DCUN1D1: variants seen among roughly 807,000 people sequenced by gnomAD.
DCUN1D1 encodes DCN1-like protein 1.
In DCUN1D1, 3 loss-of-function variants were observed where a neutral mutation model predicts 39.0. The observed-to-expected ratio is 0.08, with a 90% CI of 0.04 to 0.20. DCUN1D1 has a LOEUF of 0.20. DCUN1D1 is among the 10% of genes least tolerant of loss of function. The probability of loss-of-function intolerance (pLI) is 1.00; values close to 1 mark genes in which losing one functional copy is unlikely to be tolerated. For missense variants in DCUN1D1, 158 were observed against 302.4 expected, an observed-to-expected ratio of 0.52 and a Z score of 3.54; for synonymous variants, 82 against 96.3, an observed-to-expected ratio of 0.85 and a Z score of 0.87.
chr3:182,964,142 A>G (rs1439811807), intron 2 of DCUN1D1, 93 bp from the exon 3 acceptor site: 3 of 977,542 alleles, frequency 3.1e-6, no homozygotes, highest in African/African-American at 1.6e-5. Context: ...CATTTTTTAA[A>G]TGACCACAAT....
At chr3:182,979,693 C>T (rs545786891) in intron 1 of DCUN1D1, among the ~76,000 whole-genome samples, 139 of 150,466 alleles carry the variant, frequency 9.2e-4, no homozygotes, top group African/African-American at 3.1e-3. Flanking sequence ...GCAATTACTC[C>T]TCCCACCCCC....
chr3:182,949,650 G>T (rs981914327), intron 4 of DCUN1D1, among the ~76,000 whole-genome samples: 2 of 152,048 alleles, frequency 1.3e-5, no homozygotes, highest in Admixed American at 1.3e-4. Flanking sequence ...GAGCCCAGGA[G>T]ATCAAGGCTG....
At position 182,939,316 on chromosome 3, in the gene DCUN1D1, G is replaced by A. The variant is rs1320281130; in HGVS notation, c.*5778C>T. On this transcript the variant is annotated 3_prime_UTR_variant, in exon 7 of 7. Transcript: ENST00000292782. ...AAAGTTCAGCAGTTTTTTTAAAAAC[G>A]TTAGGTATAAATTTACCACACAACC... 1 of 152,142 alleles carries A rather than the reference G, an allele frequency of 6.6e-6. No individual in the cohort carries two copies. The highest frequency in any genetic ancestry group is 1.5e-5 in the Non-Finnish European group (1 of 68,030). 9.4% of individuals were successfully genotyped at this position (152,142 alleles called of 1,614,324 possible).
intron 1 of DCUN1D1, among the ~76,000 whole-genome samples, chr3:182,977,778 G>A (rs1346024856): frequency 3.3e-5 from 5 of 151,778 alleles, no homozygotes; most frequent in East Asian, 2.0e-4. Context: ...GGTGGCTCAC[G>A]CCTGTAATCC....
chr3:182,949,922 T>A (rs1237103493), intron 4 of DCUN1D1, among the ~76,000 whole-genome samples: 2 of 152,144 alleles, frequency 1.3e-5, no homozygotes, highest in Non-Finnish European at 2.9e-5. Context: ...CATACAAACA[T>A]ACTTACCTTC....
intron 1 of DCUN1D1, among the ~76,000 whole-genome samples, chr3:182,967,747 C>T (rs904051196): frequency 6.6e-6 from 1 of 152,222 alleles, no homozygotes; most frequent in African/African-American, 2.4e-5. Context: ...AAACTATCTC[C>T]TCCTTGAGAT....
At position 182,940,070 on chromosome 3, in the gene DCUN1D1, T is replaced by C. The variant is rs542390987; in HGVS notation, c.*5024A>G. 1.4e-3 allele frequency: 212 copies of C among 152,318 alleles called. 1 individual carries two copies. Among genetic ancestry groups the C allele is most frequent in the African/African-American group, 5.1e-3 (210 of 41,578 alleles). 9.4% of individuals were successfully genotyped at this position (152,318 alleles called of 1,614,324 possible). On this transcript the variant is annotated 3_prime_UTR_variant, in exon 7 of 7. Transcript: ENST00000292782. ...ATATTGCTCTTTTAGCTATAAGTCA[T>C]GTAATTATGTGACAAAATCACTGTT... is the stretch of plus-strand genomic sequence containing the variant.
chr3:182,978,483 C>T (rs1728356865), intron 1 of DCUN1D1, among the ~76,000 whole-genome samples: 2 of 152,106 alleles, frequency 1.3e-5, no homozygotes, highest in African/African-American at 2.4e-5. Context: ...TCAAGTAATC[C>T]TCCCACCTCA....
intron 1 of DCUN1D1, chr3:182,980,232 C>T (rs1256159843): frequency 3.3e-6 from 1 of 299,660 alleles, no homozygotes; most frequent in East Asian, 1.7e-4. Flanking sequence ...GCGCCCCAAA[C>T]TCCCCGGGGC....
upstream of DCUN1D1, among the ~76,000 whole-genome samples, chr3:182,982,451 A>G (rs1215750418): frequency 6.6e-6 from 1 of 152,092 alleles, no homozygotes; most frequent in Non-Finnish European, 1.5e-5. Flanking sequence ...AGCTCACCAA[A>G]TCTAAAACTT....
At chr3:182,980,190 G>T in intron 1 of DCUN1D1, 1 of 500,616 alleles carries the variant, frequency 2.0e-6, no homozygotes, top group Non-Finnish European at 2.6e-6. Context: ...ACCCGCGCCG[G>T]GCCCCGGCAA....
intron 4 of DCUN1D1, among the ~76,000 whole-genome samples, chr3:182,953,397 G>A (rs1393684533): frequency 6.6e-6 from 1 of 152,182 alleles, no homozygotes; most frequent in African/African-American, 2.4e-5. Flanking sequence ...GTGATGAAGA[G>A]AGCAGCTTAG....
At chr3:182,953,157 A>C (rs1228759492) in intron 4 of DCUN1D1, among the ~76,000 whole-genome samples, 3 of 152,194 alleles carry the variant, frequency 2.0e-5, no homozygotes, top group Non-Finnish European at 4.4e-5. Flanking sequence ...CAAGGCTCAA[A>C]AACTATACCC....
chr3:182,975,691 AAAAAAACAAAAAC>A (rs1273774674), intron 1 of DCUN1D1, among the ~76,000 whole-genome samples: 1 of 146,790 alleles, frequency 6.8e-6, no homozygotes, highest in Non-Finnish European at 1.5e-5. Context: ...TTAAAAAAAA[AAAAAAACAAAAAC>A]AAAAAACAAA....
rs1207705466 is a variant in DCUN1D1, at chr3:182,938,159, T to G, written c.*6935A>C. ...TACTACATTAACTTGAAAAATATAT[T>G]CGTTAGAATTTTTTTATTAAGTACA... On this transcript the variant is annotated 3_prime_UTR_variant, in exon 7 of 7. Transcript: ENST00000292782. 6.6e-6 allele frequency: 1 copy of G among 152,212 alleles called. No homozygotes were observed. The highest frequency in any genetic ancestry group is 6.6e-5 in the Admixed American group (1 of 15,262). 9.4% of individuals were successfully genotyped at this position (152,212 alleles called of 1,614,324 possible).
chr3:182,979,745 G>C (rs1340601063), intron 1 of DCUN1D1, among the ~76,000 whole-genome samples: 1 of 152,066 alleles, frequency 6.6e-6, no homozygotes, highest in Non-Finnish European at 1.5e-5. Flanking sequence ...TCGCTAGTCT[G>C]TGTTCCCTAA....
In DCUN1D1 at chr3:182,944,646, A is replaced by G. The variant is rs1170683201; in HGVS notation, c.*448T>C. 1 of 153,960 alleles carries G rather than the reference A, an allele frequency of 6.5e-6. No individual in the cohort carries two copies. The highest frequency in any genetic ancestry group is 1.4e-5 in the Non-Finnish European group (1 of 69,012). The allele number at this position is 153,960 out of a possible 1,614,324, so 9.5% of individuals were successfully genotyped here. On this transcript the variant is annotated 3_prime_UTR_variant, in exon 7 of 7. Transcript: ENST00000292782. ...CACTCTCACTGGAAGTGCTATTAGCATAGTCTTTGCAACTAGCCCAAAGCG... is the reference window on the plus strand; with the variant it reads ...CACTCTCACTGGAAGTGCTATTAGCGTAGTCTTTGCAACTAGCCCAAAGCG...
At chr3:182,945,684 G>A (rs1726361041) in intron 6 of DCUN1D1, among the ~76,000 whole-genome samples, 2 of 152,182 alleles carry the variant, frequency 1.3e-5, no homozygotes, top group African/African-American at 4.8e-5. Context: ...AGGCATAGGA[G>A]GAGAAACAAG....
upstream of DCUN1D1, among the ~76,000 whole-genome samples, chr3:182,982,986 T>C (rs759918315): frequency 6.6e-6 from 1 of 152,180 alleles, no homozygotes; most frequent in Non-Finnish European, 1.5e-5. Context: ...ACTTCTTACC[T>C]AATCTTCCAG....
Sources: gnomAD v4.1 joint callset for allele counts (sites outside exome capture counted in the v4.1 genomes callset) on GRCh38, gnomAD v4.1.1 for gene constraint, MANE v1.5 for transcripts, NCBI Gene and HGNC (gene_info 2026-07-23, HGNC 2026-07-21) for gene names.